Variants in ANK3 observed in about 807,000 individuals in gnomAD.
The protein encoded by ANK3 is ankyrin 3, also known as ankyrin-3.
In ANK3, 57 loss-of-function variants were observed where a neutral mutation model predicts 370.9. The observed-to-expected ratio is 0.15, with a 90% CI of 0.12 to 0.19. ANK3 has a LOEUF of 0.19. ANK3 is among the 10% of genes least tolerant of loss of function. The probability of loss-of-function intolerance (pLI) is 1.00; values close to 1 mark genes in which losing one functional copy is unlikely to be tolerated. For missense variants in ANK3, 4,439 were observed against 5,302.1 expected (o/e 0.84, Z 5.06); for synonymous variants, 1,929 against 1,946.3 (o/e 0.99, Z 0.23).
At chr10:60,197,734 T>C (rs1246060676) in intron 14 of ANK3, among the ~76,000 whole-genome samples, 1 of 152,220 alleles carries the variant, frequency 6.6e-6, no homozygotes, top group Non-Finnish European at 1.5e-5. Context: ...CACAAGCCAA[T>C]TCATCTTGCT....
intron 1 of ANK3, among the ~76,000 whole-genome samples, chr10:60,628,765 A>G (rs1051767912): frequency 1.3e-5 from 2 of 152,338 alleles, no homozygotes; most frequent in Non-Finnish European, 2.9e-5. Flanking sequence ...GTTAATATAC[A>G]TGGATCTAAT....
intron 2 of ANK3, among the ~76,000 whole-genome samples, chr10:60,429,401 G>A (rs779215992): frequency 6.6e-6 from 1 of 152,244 alleles, no homozygotes; most frequent in Non-Finnish European, 1.5e-5. Context: ...GGAAAAGAGG[G>A]TACACATATT....
At chr10:60,148,047 T>C (rs1219057797) in intron 23 of ANK3, among the ~76,000 whole-genome samples, 1 of 152,174 alleles carries the variant, frequency 6.6e-6, no homozygotes, top group Non-Finnish European at 1.5e-5. Context: ...GGGATGCATG[T>C]GCCTCCTGTG....
chr10:60,102,469 G>A (rs545087903), intron 28 of ANK3, among the ~76,000 whole-genome samples: 4 of 152,114 alleles, frequency 2.6e-5, no homozygotes, highest in Middle Eastern at 3.4e-3. Context: ...GCTTCATTAC[G>A]GTCACACAAC....
intron 1 of ANK3, among the ~76,000 whole-genome samples, chr10:60,654,829 CAA>C (rs1324440423): frequency 6.6e-6 from 1 of 152,074 alleles, no homozygotes; most frequent in African/African-American, 2.4e-5. Flanking sequence ...TCTATTTTCT[CAA>C]AGAGTTTGTG....
intron 2 of ANK3, among the ~76,000 whole-genome samples, chr10:60,493,152 G>T (rs2075567665): frequency 6.6e-6 from 1 of 151,972 alleles, no homozygotes; most frequent in Non-Finnish European, 1.5e-5. Context: ...ACTGGGAAAG[G>T]CACGACTCAT....
chr10:60,544,140 C>T (rs17239789), intron 2 of ANK3, among the ~76,000 whole-genome samples: 3,617 of 152,082 alleles, frequency 0.024, 62 homozygotes, highest in Non-Finnish European at 0.034. Context: ...GTATAGAAAA[C>T]ACCGTCCAGA....
intron 1 of ANK3, among the ~76,000 whole-genome samples, chr10:60,723,043 A>T (rs1589078928): frequency 6.6e-6 from 1 of 152,236 alleles, no homozygotes; most frequent in African/African-American, 2.4e-5. Context: ...AAACTACTAC[A>T]TTGAAAAGAG....
chr10:60,105,946 T>C lies in ANK3; in HGVS notation c.3287A>G (p.Lys1096Arg). Residue 1096 changes from lysine (K) to arginine (R), a missense_variant, in exon 28 of 44, where the codon AAA (lysine) becomes AGA (arginine). Transcript: ENST00000280772. ...AAGTAACTCGGTTAAATCTTCATTT[T>C]TGCTGTCAAACTGATGCTCCTTCCA... is the stretch of plus-strand genomic sequence containing the variant. ...ETWKEHQFDS[K>R]NEDLTELLNG... 6.2e-7 allele frequency: 1 copy of C among 1,612,124 alleles called. No homozygotes were observed.
intron 2 of ANK3, among the ~76,000 whole-genome samples, chr10:60,567,526 A>G (rs987383160): frequency 2.0e-5 from 3 of 152,172 alleles, no homozygotes; most frequent in African/African-American, 7.2e-5. Flanking sequence ...AAGATCTCTG[A>G]TGGAGATATA....
chr10:60,161,984 C>T (rs2095512131), intron 23 of ANK3, among the ~76,000 whole-genome samples: 2 of 152,152 alleles, frequency 1.3e-5, no homozygotes, highest in South Asian at 4.1e-4. Flanking sequence ...TTGATCATTA[C>T]ACATTGTATA....
intron 1 of ANK3, among the ~76,000 whole-genome samples, chr10:60,716,512 T>A (rs1564612146): frequency 1.3e-5 from 2 of 150,774 alleles, no homozygotes; most frequent in East Asian, 3.9e-4. Context: ...ACACTCAATT[T>A]AAAAAAAAAA....
intron 1 of ANK3, chr10:60,733,241 AG>A (rs1282689015): frequency 3.2e-6 from 4 of 1,239,252 alleles, no homozygotes; most frequent in African/African-American, 1.6e-5. Flanking sequence ...AGCCGCAGGT[AG>A]GGGGGCGGCG....
intron 4 of ANK3, among the ~76,000 whole-genome samples, chr10:60,277,091 T>C (rs962308285): frequency 2.6e-5 from 4 of 152,204 alleles, no homozygotes; most frequent in Admixed American, 2.0e-4. Context: ...AGAGCAAATA[T>C]ACAAGAACCA....
At chr10:60,444,701 T>C (rs924550086) in intron 2 of ANK3, among the ~76,000 whole-genome samples, 8 of 152,122 alleles carry the variant, frequency 5.3e-5, no homozygotes, top group African/African-American at 1.7e-4. Flanking sequence ...TTTTTTTCTT[T>C]TTAAGCAAGT....
intron 1 of ANK3, 150 bp from the exon 2 acceptor site, chr10:60,279,789 G>C (rs1592967287): frequency 1.5e-6 from 1 of 660,564 alleles, no homozygotes; most frequent in South Asian, 2.0e-5. Context: ...AAAGAACCAA[G>C]AAAAGGACAC....
At chr10:60,509,086 T>C (rs1211579259) in intron 2 of ANK3, among the ~76,000 whole-genome samples, 4 of 152,074 alleles carry the variant, frequency 2.6e-5, no homozygotes, top group Non-Finnish European at 5.9e-5. Flanking sequence ...AAAAAAGCCG[T>C]AAATAGAGCA....
In ANK3 at chr10:60,278,944, A is replaced by T. The variant is rs949730322; in HGVS notation, c.316-72T>A. 1.9e-6 allele frequency: 3 copies of T among 1,566,576 alleles called. No individual in the cohort carries two copies. The African/African-American group carries it at 4.1e-5, about 21-fold the overall frequency. On this transcript the variant is annotated intron_variant, in intron 3 of 43. Transcript: ENST00000280772. ...TTTCCTGTTCTCCCCAAAGAGAACA[A>T]ATTTGACAAATATCTTATGAGATAT... is the stretch of plus-strand genomic sequence containing the variant.
At chr10:60,409,256 C>A (rs530370273) in intron 2 of ANK3, among the ~76,000 whole-genome samples, 3 of 152,258 alleles carry the variant, frequency 2.0e-5, no homozygotes, top group Admixed American at 2.0e-4. Flanking sequence ...GCTACCCAAA[C>A]CAAAAGCAAA....
Sources: gnomAD v4.1 joint callset for allele counts (sites outside exome capture counted in the v4.1 genomes callset) on GRCh38, gnomAD v4.1.1 for gene constraint, MANE v1.5 for transcripts, NCBI Gene and HGNC (gene_info 2026-07-23, HGNC 2026-07-21) for gene names.